Variants in MYOF observed in about 807,000 individuals in gnomAD.
The protein encoded by MYOF is myoferlin, also known as fer-1-like 3, myoferlin.
MYOF carries 244 observed loss-of-function variants against 284.2 expected under a neutral mutation model. The ratio of observed to expected loss-of-function variants is 0.86; its 90% confidence interval spans 0.77 to 0.95. MYOF has a LOEUF of 0.95. Among genes scored for constraint, MYOF ranks in the 40% least tolerant of loss-of-function variants. The pLI, the probability that MYOF is intolerant of heterozygous loss-of-function variation, is 0.00. For synonymous variants in MYOF, 904 were observed against 919.7 expected, an observed-to-expected ratio of 0.98 and a Z score of 0.31; for missense variants, 2,496 against 2,560.6, an observed-to-expected ratio of 0.97 and a Z score of 0.54.
chr10:93,400,667 A>G (rs76048465), intron 12 of MYOF, among the ~76,000 whole-genome samples: 6,558 of 152,186 alleles, frequency 0.043, 196 homozygotes, highest in Middle Eastern at 0.079. Context: ...GGAACCAGAC[A>G]GGCCCAGCAA....
intron 39 of MYOF, 42 bp from the exon 40 acceptor site, chr10:93,337,955 G>C: frequency 7.0e-7 from 1 of 1,430,550 alleles, no homozygotes; most frequent in Non-Finnish European, 9.9e-7. Context: ...GTGATGTCCT[G>C]GATTTCCAAT....
At chr10:93,387,215 T>TGGGGCAGCTG (rs1846417844) in intron 19 of MYOF, among the ~76,000 whole-genome samples, 1 of 152,138 alleles carries the variant, frequency 6.6e-6, no homozygotes, top group Non-Finnish European at 1.5e-5. Flanking sequence ...AACAGCAGCC[T>TGGGGCAGCTG]GGGGCAGCTG....
intron 12 of MYOF, 46 bp downstream of exon 12, chr10:93,401,372 A>G: frequency 6.2e-7 from 1 of 1,602,542 alleles, no homozygotes; most frequent in African/African-American, 1.3e-5. Context: ...ACATTTCATC[A>G]CACACATAAT....
rs186936190 is a variant in MYOF, at chr10:93,316,715, C to T, written c.5697G>A (p.Leu1899=). ...CAATGATCCAAATGTAAGCCCTACC[C>T]AAGTAGTCATCCAGAGAAAACTTGT... The part of the protein sequence containing the change: ...DNDKFSLDDY[L]GFLELDLRHT... Residue 1899 remains leucine, a splice_region_variant and synonymous_variant, in exon 50 of 54, where the codon TTG becomes TTA. Coordinates refer to ENST00000359263, the MANE Select transcript of MYOF (RefSeq NM_013451.4). The T allele has an allele frequency of 3.7e-6, 6 of 1,609,956 alleles. No individual in the cohort carries two copies. The Admixed American group carries it at 1.0e-4, about 27-fold the overall frequency.
chr10:93,448,369 C>T (rs1379347907), intron 3 of MYOF, among the ~76,000 whole-genome samples: 1 of 152,188 alleles, frequency 6.6e-6, no homozygotes, highest in Admixed American at 6.5e-5. Flanking sequence ...TGACAACTTT[C>T]CCTTTTCCTC....
At chr10:93,470,398 T>C (rs572812720) in intron 1 of MYOF, among the ~76,000 whole-genome samples, 2 of 152,178 alleles carry the variant, frequency 1.3e-5, no homozygotes, top group South Asian at 2.1e-4. Flanking sequence ...CAGAAGTTTT[T>C]GTTTTTTTGT....
At chr10:93,398,121 T>TC (rs1432555692) in intron 13 of MYOF, among the ~76,000 whole-genome samples, 2 of 152,250 alleles carry the variant, frequency 1.3e-5, no homozygotes, top group East Asian at 3.9e-4. Context: ...AGCCCTACTG[T>TC]CCCAACCCTA....
At chr10:93,449,044 C>A (rs773497839) in intron 3 of MYOF, among the ~76,000 whole-genome samples, 2 of 151,562 alleles carry the variant, frequency 1.3e-5, no homozygotes, top group Non-Finnish European at 2.9e-5. Flanking sequence ...AGTTTTAAGC[C>A]CAGGATCTGA....
Position 93,401,416 on chromosome 10 carries a change from A to G in MYOF, c.1117+2T>C. Reference sequence around the variant, plus strand: ...CTGGGGCAAGATTAAATCAGTACATACTCTGGGGGATGTCCTCAGCTCGGT... The same window carrying G: ...CTGGGGCAAGATTAAATCAGTACATGCTCTGGGGGATGTCCTCAGCTCGGT... On this transcript the variant is annotated splice_donor_variant, in intron 12 of 53. Coordinates refer to ENST00000359263, the MANE Select transcript of MYOF (RefSeq NM_013451.4). LOFTEE classifies it high-confidence loss of function. 1.9e-6 allele frequency: 3 copies of G among 1,613,948 alleles called. No homozygotes were observed. The highest frequency in any genetic ancestry group is 2.5e-6 in the Non-Finnish European group (3 of 1,179,936).
Position 93,310,569 on chromosome 10 carries a change from G to A in MYOF, c.5964C>T (p.Asp1988=), listed in dbSNP as rs543062400. 2.4e-5 allele frequency: 38 copies of A among 1,613,948 alleles called. No individual in the cohort carries two copies. Among genetic ancestry groups the A allele is most frequent in the Admixed American group, 8.3e-5 (5 of 59,990 alleles). The change falls in exon 52 of 54, where the codon GAC becomes GAT. Residue 1988 remains aspartate, a synonymous_variant. Transcript: ENST00000359263. ...CCAGCTTGGGGTTCATGTTGGGTTCGTCCCGCCCCTTCCCGGCTGGCCTCT... is the reference window on the plus strand; with the variant it reads ...CCAGCTTGGGGTTCATGTTGGGTTCATCCCGCCCCTTCCCGGCTGGCCTCT... ...ADERPAGKGR[D]EPNMNPKLDL... is the part of the protein sequence containing the mutation.
At chr10:93,319,466 G>A (rs544457946) in intron 49 of MYOF, among the ~76,000 whole-genome samples, 4 of 152,266 alleles carry the variant, frequency 2.6e-5, no homozygotes, top group Admixed American at 1.3e-4. Flanking sequence ...GGGAGGTAAA[G>A]CAGATGTGGA....
intron 45 of MYOF, among the ~76,000 whole-genome samples, chr10:93,327,688 C>T (rs1052921661): frequency 1.3e-5 from 2 of 152,038 alleles, no homozygotes; most frequent in Non-Finnish European, 2.9e-5. Context: ...GCAGCATCAA[C>T]ATTTCTTAAA....
intron 3 of MYOF, among the ~76,000 whole-genome samples, chr10:93,445,456 C>T (rs2056403085): frequency 6.6e-6 from 1 of 152,238 alleles, no homozygotes. Context: ...GAAAATCTTT[C>T]CACTCTGACA....
At position 93,355,704 on chromosome 10, in the gene MYOF, C is replaced by T. The variant is rs761162181; in HGVS notation, c.3327G>A (p.Lys1109=). ...GADTTEDGDE[K]SLEKQKHSAT... Reference sequence around the variant, plus strand: ...CACTGTGCTTCTGTTTCTCCAGGCTCTTCTCATCCCCATCTTCGGTAGTGT... The same window carrying T: ...CACTGTGCTTCTGTTTCTCCAGGCTTTTCTCATCCCCATCTTCGGTAGTGT... The change falls in exon 31 of 54, where the codon AAG becomes AAA. Residue 1109 remains lysine (K), a synonymous_variant. Coordinates refer to ENST00000359263, the MANE Select transcript of MYOF (RefSeq NM_013451.4). The T allele has an allele frequency of 2.5e-6, 4 of 1,613,244 alleles. No homozygotes were observed. The South Asian group carries it at 4.4e-5, about 18-fold the overall frequency.
chr10:93,322,875 A>G (rs926003587), intron 48 of MYOF, among the ~76,000 whole-genome samples: 2 of 152,240 alleles, frequency 1.3e-5, no homozygotes, highest in African/African-American at 4.8e-5. Context: ...ATCCTTATAT[A>G]GCTTTCCTCA....
Position 93,422,861 on chromosome 10 carries a change from T to C in MYOF, c.433+3210A>G, listed in dbSNP as rs4919099. Among the ~76,000 whole-genome samples the C allele has an allele frequency of 0.058, 8,888 of 152,192 alleles. 1,418 individuals carry two copies. In the East Asian group the frequency reaches 0.68, roughly 12 times the overall value. ...ACTTTATAAATACTAACAAATGGTGTGGCGCTGATCTCTTTAAGTTTACTC... is the reference window on the plus strand; with the variant it reads ...ACTTTATAAATACTAACAAATGGTGCGGCGCTGATCTCTTTAAGTTTACTC... On this transcript the variant is annotated intron_variant, in intron 5 of 53. Transcript: ENST00000359263.
chr10:93,482,096 CT>C lies in MYOF; in HGVS notation c.88+10del. The C allele has an allele frequency of 1.2e-6, 2 of 1,611,640 alleles. No homozygotes were observed. Among genetic ancestry groups the C allele is most frequent in the Non-Finnish European group, 1.7e-6 (2 of 1,178,014 alleles). ...ACAGGACTTCAGAAAAAGAAGAAAACTTTTTCTTACCCTTAAAAATGACAGA... is the reference window on the plus strand; with the variant it reads ...ACAGGACTTCAGAAAAAGAAGAAAACTTTTCTTACCCTTAAAAATGACAGA... On this transcript the variant is annotated intron_variant, in intron 1 of 53. Transcript: ENST00000359263.
intron 36 of MYOF, 103 bp from the exon 37 acceptor site, chr10:93,347,885 CCAGAGGACTCG>C (rs1304571298): frequency 1.7e-6 from 2 of 1,170,690 alleles, no homozygotes; most frequent in Non-Finnish European, 2.4e-6. Context: ...GCCACACAGC[CCAGAGGACTCG>C]CAATAGTTCA....
chr10:93,458,732 A>C (rs2056804889), intron 1 of MYOF, among the ~76,000 whole-genome samples: 5 of 152,182 alleles, frequency 3.3e-5, no homozygotes, highest in Admixed American at 3.3e-4. Flanking sequence ...TCAGTCTCAA[A>C]ACAAAAAACA....
Sources: gnomAD v4.1 joint callset for allele counts (sites outside exome capture counted in the v4.1 genomes callset) on GRCh38, gnomAD v4.1.1 for gene constraint, MANE v1.5 for transcripts, NCBI Gene and HGNC (gene_info 2026-07-23, HGNC 2026-07-21) for gene names.